DR1: variants seen among roughly 807,000 people sequenced by gnomAD.
DR1 encodes protein Dr1.
In DR1, 7 loss-of-function variants were observed where a neutral mutation model predicts 19.9. The ratio of observed to expected loss-of-function variants is 0.35; its 90% CI spans 0.20 to 0.66. DR1 has a LOEUF of 0.66. DR1 is among the 30% of genes least tolerant of loss of function. DR1 has a pLI of 0.66. For missense variants in DR1, 98 were observed against 203.7 expected (o/e 0.48, Z 3.16); for synonymous variants, 76 against 72.5 (o/e 1.05, Z -0.24).
intron 2 of DR1, among the ~76,000 whole-genome samples, chr1:93,356,671 G>T (rs995120640): frequency 6.6e-6 from 1 of 151,376 alleles, no homozygotes; most frequent in African/African-American, 2.4e-5. Context: ...TGCTTATGTT[G>T]GTTGAATTTA....
intron 2 of DR1, among the ~76,000 whole-genome samples, chr1:93,360,233 G>A (rs1011247742): frequency 1.3e-5 from 2 of 152,000 alleles, no homozygotes; most frequent in Non-Finnish European, 2.9e-5. Flanking sequence ...CATAAATTAC[G>A]TGAAATAAAA....
At position 93,369,026 on chromosome 1, in the gene DR1, T is replaced by C. The variant is rs188367896; in HGVS notation, c.*8387T>C. 42 of 152,232 alleles carry C rather than the reference T, an allele frequency of 2.8e-4. No individual in the cohort carries two copies. Among genetic ancestry groups the C allele is most frequent in the South Asian group, 6.2e-4 (3 of 4,824 alleles). The allele number at this position is 152,232 out of a possible 1,614,324, so 9.4% of individuals were successfully genotyped here. ...TTTAAAAATAATATAACAATATTTA[T>C]ATATCATTTACATTATGTTAGATAT... is the stretch of plus-strand genomic sequence containing the variant. On this transcript the variant is annotated 3_prime_UTR_variant, in exon 3 of 3. Coordinates refer to ENST00000370272, the MANE Select transcript of DR1 (RefSeq NM_001938.3).
At chr1:93,358,143 G>A (rs1667012264) in intron 2 of DR1, among the ~76,000 whole-genome samples, 4 of 152,130 alleles carry the variant, frequency 2.6e-5, no homozygotes. Context: ...GAAGGAAAGA[G>A]AAAGAAATCC....
chr1:93,356,720 AC>A (rs1042225513), intron 2 of DR1, among the ~76,000 whole-genome samples: 3 of 126,392 alleles, frequency 2.4e-5, no homozygotes, highest in Non-Finnish European at 5.1e-5. Context: ...ATGAACTCTT[AC>A]AATTTTTTTT....
At position 93,346,798 on chromosome 1, in the gene DR1, T is replaced by C. The variant is rs1273097757; in HGVS notation, c.153T>C (p.Ser51=). The change falls in exon 1 of 3, where the codon TCT becomes TCC. Residue 51 remains serine (S), a synonymous_variant. Transcript: ENST00000370272. The stretch of plus-strand genomic sequence containing the variant: ...GCACTGAATTCATTCACCTTATATC[T>C]TCTGAAGCCAATGAGATTTGTAACA... ...NCCTEFIHLI[S]SEANEICNKS... The C allele has an allele frequency of 1.9e-6, 3 of 1,613,944 alleles. No individual in the cohort carries two copies. The highest frequency in any genetic ancestry group is 2.5e-6 in the Non-Finnish European group (3 of 1,180,006).
chr1:93,360,683 C>T lies in DR1; in HGVS notation c.*44C>T. On this transcript the variant is annotated 3_prime_UTR_variant, in exon 3 of 3. Transcript: ENST00000370272. ...CTATTTCTTCTATAAATGTTTTTCC[C>T]TGCACAACAAAAACAGTGAAAGAAA... is the stretch of plus-strand genomic sequence containing the variant. 1 of 1,561,026 alleles carries T rather than the reference C, an allele frequency of 6.4e-7. No homozygotes were observed. Among genetic ancestry groups the T allele is most frequent in the Non-Finnish European group, 8.6e-7 (1 of 1,162,264 alleles).
intron 2 of DR1, 55 bp from the exon 3 acceptor site, chr1:93,360,438 A>C (rs754110067): frequency 6.8e-7 from 1 of 1,474,618 alleles, no homozygotes; most frequent in African/African-American, 1.4e-5. Context: ...ACCAAAGTGT[A>C]TATATTGTGG....
rs1391175197 is a variant in DR1, at chr1:93,362,298, A to T, written c.*1659A>T. The T allele has an allele frequency of 3.3e-5, 5 of 152,490 alleles. No homozygotes were observed. The highest frequency in any genetic ancestry group is 1.5e-5 in the Non-Finnish European group (1 of 67,900). 9.4% of individuals were successfully genotyped at this position (152,490 alleles called of 1,614,324 possible). ...AGATAGAAGAAATTGTTTTTTAAAA[A>T]GTTTAAGTACCAAAGGTAGTCTAGT... On this transcript the variant is annotated 3_prime_UTR_variant, in exon 3 of 3. Coordinates refer to ENST00000370272, the MANE Select transcript of DR1 (RefSeq NM_001938.3).
At position 93,365,577 on chromosome 1, in the gene DR1, C is replaced by T. The variant is rs1392184082; in HGVS notation, c.*4938C>T. ...CCTGTTGAAAACCACCACCTTAGATCATCTAGGTTTTACTTTTAGGATAAG... is the reference window on the plus strand; with the variant it reads ...CCTGTTGAAAACCACCACCTTAGATTATCTAGGTTTTACTTTTAGGATAAG... On this transcript the variant is annotated 3_prime_UTR_variant, in exon 3 of 3. Transcript: ENST00000370272. The T allele has an allele frequency of 6.6e-6, 1 of 152,190 alleles. No individual in the cohort carries two copies. The highest frequency in any genetic ancestry group is 1.9e-4 in the East Asian group (1 of 5,192). 9.4% of individuals were successfully genotyped at this position (152,190 alleles called of 1,614,324 possible). A position where few individuals can be genotyped will look rare whatever the true frequency, so the allele number is the denominator to read the frequency against.
Position 93,346,590 on chromosome 1 carries a change from G to C in DR1, c.-56G>C. ...CTTTTTGAGAAATCTCGGTGGAGTA[G>C]TGGACCAGAGCTGGGGAGTTTTTAA... On this transcript the variant is annotated 5_prime_UTR_variant, in exon 1 of 3. Coordinates refer to ENST00000370272, the MANE Select transcript of DR1 (RefSeq NM_001938.3). 6.8e-7 allele frequency: 1 copy of C among 1,462,480 alleles called. No individual in the cohort carries two copies. The highest frequency in any genetic ancestry group is 9.5e-7 in the Non-Finnish European group (1 of 1,051,676). 90.6% of individuals were successfully genotyped at this position (1,462,480 alleles called of 1,614,324 possible).
chr1:93,351,417 C>CTTGGA (rs1276524566), intron 1 of DR1, among the ~76,000 whole-genome samples: 4 of 147,108 alleles, frequency 2.7e-5, no homozygotes, highest in Non-Finnish European at 6.0e-5. Flanking sequence ...TTAAAAATAG[C>CTTGGA]TTGGATTGGA....
At chr1:93,347,905 G>T (rs1326515610) in intron 1 of DR1, among the ~76,000 whole-genome samples, 4 of 152,114 alleles carry the variant, frequency 2.6e-5, no homozygotes, top group African/African-American at 9.7e-5. Context: ...TTGATTGCTT[G>T]TGAAATCAGG....
chr1:93,361,539 A>C lies in DR1; in HGVS notation c.*900A>C, dbSNP rs938032982. The C allele has an allele frequency of 3.3e-5, 5 of 152,542 alleles. No individual in the cohort carries two copies. Among genetic ancestry groups the C allele is most frequent in the African/African-American group, 1.2e-4 (5 of 41,446 alleles). The allele number at this position is 152,542 out of a possible 1,614,324, so 9.4% of individuals were successfully genotyped here. ...ATTCAAACCTTTGCTGGGGGAAAGA[A>C]ATGAAAGTTAATGAGCATGCTTGCT... On this transcript the variant is annotated 3_prime_UTR_variant, in exon 3 of 3. Coordinates refer to ENST00000370272, the MANE Select transcript of DR1 (RefSeq NM_001938.3).
intron 1 of DR1, among the ~76,000 whole-genome samples, chr1:93,348,722 T>A (rs1666882278): frequency 6.6e-6 from 1 of 152,146 alleles, no homozygotes. Context: ...TTAAAAATCA[T>A]GTATTGACGT....
In DR1 at chr1:93,366,535, A is replaced by T. The variant is rs1667132624; in HGVS notation, c.*5896A>T. 1 of 152,244 alleles carries T rather than the reference A, an allele frequency of 6.6e-6. No individual in the cohort carries two copies. The highest frequency in any genetic ancestry group is 2.4e-5 in the African/African-American group (1 of 41,462). The allele number at this position is 152,244 out of a possible 1,614,324, so 9.4% of individuals were successfully genotyped here. A position where few individuals can be genotyped will look rare whatever the true frequency, so the allele number is the denominator to read the frequency against. ...AAACTGCGAGTTTAAGAAAAACAAC[A>T]TATAATGAAATCAATTTTACCATAG... On this transcript the variant is annotated 3_prime_UTR_variant, in exon 3 of 3. Transcript: ENST00000370272.
chr1:93,351,580 C>T (rs1006062123), intron 1 of DR1, among the ~76,000 whole-genome samples: 1 of 151,548 alleles, frequency 6.6e-6, no homozygotes, highest in Non-Finnish European at 1.5e-5. Context: ...GGATTACAGG[C>T]GTGTGCCACC....
rs1328667967 is a variant in DR1, at chr1:93,365,972, TC to T, written c.*5334del. 1 of 152,238 alleles carries T rather than the reference TC, an allele frequency of 6.6e-6. No homozygotes were observed. The highest frequency in any genetic ancestry group is 1.9e-4 in the East Asian group (1 of 5,204). The allele number at this position is 152,238 out of a possible 1,614,324, so 9.4% of individuals were successfully genotyped here. A position where few individuals can be genotyped will look rare whatever the true frequency, so the allele number is the denominator to read the frequency against. ...CACCACTTTAACCAGTTTTAAGTGT[TC>T]AATTCTGTGGCATTAAGTATATTCA... On this transcript the variant is annotated 3_prime_UTR_variant, in exon 3 of 3. Transcript: ENST00000370272.
At chr1:93,357,509 C>T (rs1425377702) in intron 2 of DR1, among the ~76,000 whole-genome samples, 2 of 93,544 alleles carry the variant, frequency 2.1e-5, no homozygotes, top group Non-Finnish European at 4.4e-5. Flanking sequence ...ATAGCAAGAC[C>T]CCATCTCTAA....
rs1451619705 is a variant in DR1, at chr1:93,362,254, C to G, written c.*1615C>G. 6.6e-6 allele frequency: 1 copy of G among 152,380 alleles called. No homozygotes were observed. Among genetic ancestry groups the G allele is most frequent in the Non-Finnish European group, 1.5e-5 (1 of 67,864 alleles). The allele number at this position is 152,380 out of a possible 1,614,324, so 9.4% of individuals were successfully genotyped here. ...GAAGTTACTTCATGGATGTCATACCCATGAAGTGCATTTGGATGAGATAGA... is the reference window on the plus strand; with the variant it reads ...GAAGTTACTTCATGGATGTCATACCGATGAAGTGCATTTGGATGAGATAGA... On this transcript the variant is annotated 3_prime_UTR_variant, in exon 3 of 3. Transcript: ENST00000370272.
Sources: allele counts gnomAD v4.1 joint callset (sites outside exome capture counted in the v4.1 genomes callset), GRCh38; gene constraint gnomAD v4.1.1; transcripts MANE v1.5; gene names NCBI Gene and HGNC (gene_info 2026-07-23, HGNC 2026-07-21).